Variants in PIDD1 observed in about 807,000 individuals in gnomAD.
PIDD1 encodes p53-induced death domain-containing protein 1.
A neutral mutation model predicts 80.0 loss-of-function variants in PIDD1; 72 were observed. The observed-to-expected ratio is 0.90, with a 90% CI of 0.74 to 1.09. The LOEUF is 1.09. Among genes scored for constraint, PIDD1 ranks in the 50% least tolerant of loss-of-function variants. The pLI is 0.00. For missense variants in PIDD1, 1,329 were observed against 1,228.3 expected (o/e 1.08, Z -1.23); for synonymous variants, 655 against 543.5 (o/e 1.21, Z -2.85).
chr11:801,990 G>C lies in PIDD1; in HGVS notation c.1277C>G (p.Thr426Ser). The C allele has an allele frequency of 6.2e-7, 1 of 1,604,192 alleles. No homozygotes were observed. Among genetic ancestry groups the C allele is most frequent in the Non-Finnish European group, 8.5e-7 (1 of 1,175,998 alleles). The stretch of plus-strand genomic sequence containing the variant: ...CTGGGGTGCCTCTTCCTCCAGGTAG[G>C]TCTCCAGGTCACCCCAGCTGTTGTC... ...RNDNSWGDLE[T>S]YLEEEAPQRL... is the part of the protein sequence containing the mutation. Residue 426 changes from threonine (T) to serine (S), a missense_variant, in exon 7 of 16, where the codon ACC (threonine) becomes AGC (serine). Transcript: ENST00000347755.
upstream of PIDD1, among the ~76,000 whole-genome samples, chr11:808,532 C>T (rs1458695576): frequency 2.6e-5 from 4 of 151,864 alleles, no homozygotes; most frequent in Non-Finnish European, 5.9e-5. Context: ...TTGGACAACG[C>T]TGTCTCTACC....
At chr11:803,791 C>T (rs776432898) in intron 2 of PIDD1, 4 of 650,004 alleles carry the variant, frequency 6.2e-6, no homozygotes, top group Admixed American at 2.8e-5. Flanking sequence ...CGGCTCATCT[C>T]AGCTGACAAC....
At chr11:805,795 G>A, upstream of PIDD1, 2 of 569,340 alleles carry the variant, frequency 3.5e-6, no homozygotes, top group Non-Finnish European at 4.4e-6. Context: ...CAGGGGAGAA[G>A]GAGGCGTTAA....
chr11:804,756 G>A (rs143920775), intron 1 of PIDD1: 141 of 225,220 alleles, frequency 6.3e-4, no homozygotes, highest in African/African-American at 3.1e-3. Context: ...TCTGGCCAAT[G>A]GAGCCGTGGA....
At chr11:800,053 C>T in intron 14 of PIDD1, 39 bp from the exon 15 acceptor site, 14 of 1,606,414 alleles carry the variant, frequency 8.7e-6, no homozygotes, top group Non-Finnish European at 1.1e-5. Context: ...CTGGGCTCCA[C>T]CCCCAACTCC....
rs762006301 is a variant in PIDD1, at chr11:800,377, C to T, written c.2116G>A (p.Val706Met). The T allele has an allele frequency of 4.4e-6, 7 of 1,605,464 alleles. No homozygotes were observed. Among genetic ancestry groups the T allele is most frequent in the Admixed American group, 1.7e-5 (1 of 59,594 alleles). Reference protein sequence around the residue: ...SHLKNVKEVYVTTTLDREAQA... With the variant: ...SHLKNVKEVYMTTTLDREAQA... ...GCCTCCCGGTCCAGAGTGGTGGTCA[C>T]GTATACCTCCTTCACATTCTTCAGG... Residue 706 changes from valine (V) to methionine (M), a missense_variant, in exon 13 of 16, where the codon GTG becomes ATG. Val to Met is a conservative substitution (Grantham distance 21). Coordinates refer to ENST00000347755, the MANE Select transcript of PIDD1 (RefSeq NM_145886.4).
chr11:803,270 G>A lies in PIDD1; in HGVS notation c.613C>T (p.Leu205=). The A allele has an allele frequency of 1.2e-6, 2 of 1,613,708 alleles. No individual in the cohort carries two copies. The highest frequency in any genetic ancestry group is 1.3e-5 in the African/African-American group (1 of 75,058). The change falls in exon 3 of 16, where the codon CTG becomes TTG. Residue 205 remains leucine, a synonymous_variant. Transcript: ENST00000347755. ...ATCTCAGGAGGTAGCGTGTCCAGCA[G>A]ATTCTGAGAGAGATCGAGGCGCTGC... ...TLQRLDLSQN[L]LDTLPPEIGG... is the part of the protein sequence containing the mutation.
upstream of PIDD1, chr11:805,525 G>T: frequency 1.2e-6 from 1 of 801,826 alleles, no homozygotes; most frequent in Non-Finnish European, 1.5e-6. Flanking sequence ...CGAGGTTCTC[G>T]GGGCCCCGGG....
chr11:809,062 T>A (rs1354282062), upstream of PIDD1, among the ~76,000 whole-genome samples: 1 of 152,232 alleles, frequency 6.6e-6, no homozygotes, highest in Non-Finnish European at 1.5e-5. Context: ...CCTCTGTCCC[T>A]GTCCTTCGGA....
At position 800,025 on chromosome 11, in the gene PIDD1, GA is replaced by G. The variant is rs751640065; in HGVS notation, c.2275-12del. 8 of 1,612,152 alleles carry G rather than the reference GA, an allele frequency of 5.0e-6. No homozygotes were observed. In the African/African-American group the frequency reaches 1.1e-4, roughly 22 times the overall value. On this transcript the variant is annotated splice_polypyrimidine_tract_variant and intron_variant, in intron 14 of 15. Coordinates refer to ENST00000347755, the MANE Select transcript of PIDD1 (RefSeq NM_145886.4). ...GGACCCTCGAAGTCTCTGTTGGAAG[GA>G]AAAAGTGCATTAAGCCCTGGGCTCC...
chr11:804,614 C>T (rs1565070467), intron 1 of PIDD1, 151 bp from the exon 2 acceptor site: 2 of 719,282 alleles, frequency 2.8e-6, no homozygotes, highest in East Asian at 3.1e-5. Context: ...CCCTGAACCC[C>T]GGAGGCCTGG....
chr11:801,527 AG>A lies in PIDD1; in HGVS notation c.1399del (p.Leu467CysfsTer48). The A allele has an allele frequency of 6.4e-7, 1 of 1,565,876 alleles. No homozygotes were observed. Among genetic ancestry groups the A allele is most frequent in the Non-Finnish European group, 8.7e-7 (1 of 1,155,352 alleles). ...NACLVPPEGTLLCSSGHPGVK... is the reference protein window; with the variant it reads ...NACLVPPEGTXLCSSGHPGVK... ...CCCAGGATGACCCGAGGAGCACAGC[AG>A]TGTCCCCTCCGGTGGCACCAGGCAG... is the stretch of plus-strand genomic sequence containing the variant. On this transcript the variant is annotated frameshift_variant, in exon 8 of 16. Transcript: ENST00000347755. LOFTEE classifies it high-confidence loss of function.
upstream of PIDD1, among the ~76,000 whole-genome samples, chr11:806,736 C>T (rs1439546561): frequency 6.6e-6 from 1 of 152,232 alleles, no homozygotes; most frequent in African/African-American, 2.4e-5. Flanking sequence ...GCGCCCACCA[C>T]CACGCCCGGC....
At chr11:805,053 G>GC (rs1230040519) in intron 1 of PIDD1, 126 bp downstream of exon 1, 2 of 239,078 alleles carry the variant, frequency 8.4e-6, no homozygotes, top group Admixed American at 1.3e-4. Context: ...AGACGGCGTG[G>GC]GGGGCGGGCC....
chr11:806,930 G>A (rs568935283), upstream of PIDD1, among the ~76,000 whole-genome samples: 4 of 152,266 alleles, frequency 2.6e-5, no homozygotes, highest in African/African-American at 9.6e-5. Context: ...TGTGGCTTAC[G>A]CCAGTAATCC....
In PIDD1 at chr11:800,189, G is replaced by A; in HGVS notation, c.2216C>T (p.Ala739Val). The A allele has an allele frequency of 6.2e-7, 1 of 1,610,758 alleles. No homozygotes were observed. The highest frequency in any genetic ancestry group is 8.5e-7 in the Non-Finnish European group (1 of 1,179,398). ...PVRVPEEAEA[A>V]RQRKGADALW... ...GGCGTCTGCGCCCTTCCTCTGCCGG[G>A]CAGCCTCAGCCTCCTCGGGCACCCG... is the stretch of plus-strand genomic sequence containing the variant. The change falls in exon 14 of 16, where the codon GCC becomes GTC. Residue 739 changes from alanine to valine, a missense_variant. Ala to Val is a moderately conservative substitution (Grantham distance 64). Transcript: ENST00000347755.
In PIDD1 at chr11:802,052, G is replaced by C; in HGVS notation, c.1215C>G (p.Ala405=). 6.3e-7 allele frequency: 1 copy of C among 1,585,408 alleles called. No individual in the cohort carries two copies. The highest frequency in any genetic ancestry group is 1.1e-5 in the South Asian group (1 of 87,386). The change falls in exon 7 of 16, where the codon GCC becomes GCG. Residue 405 remains alanine, a synonymous_variant. Transcript: ENST00000347755. ...TGACCACCACTTCACGGCAGCGCCG[G>C]GCCTGCGGTGGGGTGAAGAGCAGCC... ...GLWLLFTPPQ[A]RRCREVVVRT... is the part of the protein sequence containing the mutation.
At chr11:803,910 G>A (rs1590152500) in intron 2 of PIDD1, 184 bp downstream of exon 2, 2 of 711,112 alleles carry the variant, frequency 2.8e-6, no homozygotes, top group Non-Finnish European at 2.3e-6. Flanking sequence ...CCCACACTGG[G>A]GGTGGTGATC....
intron 15 of PIDD1, 37 bp downstream of exon 15, chr11:799,778 C>T (rs72844793): frequency 0.022 from 32,525 of 1,497,468 alleles, 422 homozygotes; most frequent in Non-Finnish European, 0.025. Context: ...AGGGCTCAGC[C>T]CTGGGGCTGG....
Sources: allele counts gnomAD v4.1 joint callset (sites outside exome capture counted in the v4.1 genomes callset), GRCh38; gene constraint gnomAD v4.1.1; transcripts MANE v1.5; gene names NCBI Gene and HGNC (gene_info 2026-07-23, HGNC 2026-07-21).